Variants in OR1L8 observed in about 807,000 individuals in gnomAD.
OR1L8 encodes olfactory receptor family 1 subfamily L member 8.
For synonymous variants in OR1L8, 148 were observed against 147.0 expected (o/e 1.01, Z -0.05); for missense variants, 330 against 377.4 (o/e 0.87, Z 1.04).
intron 1 of OR1L8, among the ~76,000 whole-genome samples, chr9:122,579,036 AT>A (rs1263162222): frequency 6.6e-6 from 1 of 152,008 alleles, no homozygotes; most frequent in Non-Finnish European, 1.5e-5. Flanking sequence ...ACCTACTGAA[AT>A]TAAAAAAAAA....
the OR1L8 span, chr9:122,553,532 CCTT>C: frequency 3.7e-6 from 6 of 1,614,008 alleles, no homozygotes; most frequent in Non-Finnish European, 5.1e-6. Context: ...TATATTTCCT[CCTT>C]ATGTTTGGTG....
the OR1L8 span, among the ~76,000 whole-genome samples, chr9:122,550,529 C>T: frequency 3.3e-5 from 5 of 149,670 alleles, no homozygotes; most frequent in East Asian, 9.8e-4. Context: ...TCCAACAGCA[C>T]ATCAAAAAGA....
chr9:122,572,012 G>A (rs995214433), intron 4 of OR1L8, among the ~76,000 whole-genome samples: 1 of 152,170 alleles, frequency 6.6e-6, no homozygotes, highest in East Asian at 1.9e-4. Context: ...GAGGCCTCAG[G>A]AAACTTTTAT....
intron 1 of OR1L8, among the ~76,000 whole-genome samples, chr9:122,580,979 T>C (rs1451421957): frequency 6.6e-6 from 1 of 152,122 alleles, no homozygotes; most frequent in Non-Finnish European, 1.5e-5. Flanking sequence ...ATTTATAAAA[T>C]TAAGCAATAC....
intron 1 of OR1L8, among the ~76,000 whole-genome samples, chr9:122,580,392 C>T (rs900342221): frequency 1.3e-5 from 2 of 152,144 alleles, no homozygotes; most frequent in African/African-American, 4.8e-5. Flanking sequence ...TGCCGAGTGC[C>T]AATGATCATT....
rs1260284932 is a variant in OR1L8, at chr9:122,569,926, G to A, written c.-212-1237C>T. 4.7e-5 allele frequency among the ~76,000 whole-genome samples: 7 copies of A among 149,950 alleles called. No individual in the cohort carries two copies. The East Asian group carries it at 9.8e-4, about 21-fold the overall frequency. On this transcript the variant is annotated intron_variant, in intron 4 of 4. Coordinates refer to ENST00000641027, the MANE Select transcript of OR1L8 (RefSeq NM_001004454.2). ...TTCCCACCAATGAGTGAGAATATGC[G>A]GTGTTTGGTTTTTTGTTCTTGCGAT... is the stretch of plus-strand genomic sequence containing the variant.
the OR1L8 span, among the ~76,000 whole-genome samples, chr9:122,550,416 G>A: frequency 5.9e-5 from 9 of 151,956 alleles, no homozygotes; most frequent in South Asian, 4.1e-4. Context: ...GGTATCACCT[G>A]GATATCAAAG....
At chr9:122,576,487 G>A (rs1829659304) in intron 3 of OR1L8, among the ~76,000 whole-genome samples, 1 of 151,254 alleles carries the variant, frequency 6.6e-6, no homozygotes, top group African/African-American at 2.4e-5. Flanking sequence ...TGCCCGCCTT[G>A]GCCTCCCAAG....
At chr9:122,560,574 A>G in the OR1L8 span, among the ~76,000 whole-genome samples, 2 of 152,052 alleles carry the variant, frequency 1.3e-5, no homozygotes, top group Non-Finnish European at 2.9e-5. Context: ...TTTATTTCTC[A>G]TTTACTTATG....
intron 3 of OR1L8, among the ~76,000 whole-genome samples, chr9:122,573,125 C>G (rs1488945255): frequency 6.6e-6 from 1 of 152,208 alleles, no homozygotes; most frequent in Non-Finnish European, 1.5e-5. Flanking sequence ...GGTTTGAGTT[C>G]TGCCCTCCTG....
chr9:122,557,564 A>G, the OR1L8 span, among the ~76,000 whole-genome samples: 2 of 152,002 alleles, frequency 1.3e-5, no homozygotes, highest in African/African-American at 4.8e-5. Flanking sequence ...TCCCACTTGG[A>G]TATGGTGTAT....
At chr9:122,557,736 GT>G in the OR1L8 span, among the ~76,000 whole-genome samples, 1 of 151,986 alleles carries the variant, frequency 6.6e-6, no homozygotes, top group Non-Finnish European at 1.5e-5. Context: ...TGAGCTAAAA[GT>G]TCTTTCTTAC....
chr9:122,547,920 G>T, the OR1L8 span, among the ~76,000 whole-genome samples: 1 of 152,094 alleles, frequency 6.6e-6, no homozygotes, highest in Admixed American at 6.6e-5. Context: ...ATTGCGTTAA[G>T]TATTCAATTT....
the OR1L8 span, chr9:122,553,493 C>A: frequency 6.2e-7 from 1 of 1,613,930 alleles, no homozygotes; most frequent in Non-Finnish European, 8.5e-7. Context: ...AGAGTCAGAT[C>A]ATCTCGTATT....
At chr9:122,561,360 C>G in the OR1L8 span, among the ~76,000 whole-genome samples, 41,419 of 152,006 alleles carry the variant, frequency 0.27, 5,815 homozygotes, top group Middle Eastern at 0.34. Context: ...ATTTCATCCT[C>G]CATCCAGTTC....
At chr9:122,553,879 G>A in the OR1L8 span, 11 of 1,613,814 alleles carry the variant, frequency 6.8e-6, no homozygotes, top group East Asian at 1.1e-4. Context: ...TCCTATGTCC[G>A]CATTTTCTGG....
rs757836063 is a variant in OR1L8 at position 122,567,998 on chromosome 9, G to A, written c.480C>T (p.His160=). Residue 160 remains histidine (H), a synonymous_variant, in exon 5 of 5, where the codon CAC becomes CAT. Transcript: ENST00000641027. ...AGGTGAGACGATTCAGCAGAAGTGT[G>A]TGCAGGAGTGAGTGGAGGTGAGGAA... ...CSFPHLHSLL[H]TLLLNRLTFC... The A allele has an allele frequency of 6.2e-7, 1 of 1,614,138 alleles. No homozygotes were observed. Among genetic ancestry groups the A allele is most frequent in the Non-Finnish European group, 8.5e-7 (1 of 1,179,994 alleles).
the OR1L8 span, among the ~76,000 whole-genome samples, chr9:122,552,608 T>C: frequency 6.6e-6 from 1 of 152,028 alleles, no homozygotes; most frequent in Non-Finnish European, 1.5e-5. Context: ...TGCCCTCAGC[T>C]CACATATCCT....
chr9:122,571,673 AC>A (rs1829554262), intron 4 of OR1L8, among the ~76,000 whole-genome samples: 1 of 149,966 alleles, frequency 6.7e-6, no homozygotes, highest in Admixed American at 6.7e-5. Context: ...CCAAGATTGC[AC>A]CACTGCACTC....
Sources: gnomAD v4.1 joint callset for allele counts (sites outside exome capture counted in the v4.1 genomes callset) on GRCh38, gnomAD v4.1.1 for gene constraint, MANE v1.5 for transcripts, NCBI Gene and HGNC (gene_info 2026-07-23, HGNC 2026-07-21) for gene names.